The following GRID2 variants were observed in gnomAD, a reference collection of about 807,000 sequenced individuals.
GRID2 encodes the protein glutamate receptor ionotropic, delta-2.
Under a neutral mutation model 114.8 loss-of-function variants are expected in GRID2, and 33 were observed. The ratio of observed to expected loss-of-function variants is 0.29; its 90% CI spans 0.22 to 0.38. The LOEUF is 0.38. Among genes scored for constraint, GRID2 ranks in the 10% least tolerant of loss-of-function variants. The pLI is 1.00. For missense variants in GRID2, 1,184 were observed against 1,257.7 expected (o/e 0.94, Z 0.89); for synonymous variants, 505 against 449.9 (o/e 1.12, Z -1.55).
At chr4:92,537,204 A>T (rs1177607601) in intron 1 of GRID2, among the ~76,000 whole-genome samples, 1 of 152,170 alleles carries the variant, frequency 6.6e-6, no homozygotes, top group Non-Finnish European at 1.5e-5. Context: ...GTTGGAGATG[A>T]GGGATTCACT....
intron 8 of GRID2, among the ~76,000 whole-genome samples, chr4:93,307,022 C>G (rs1755496605): frequency 6.6e-6 from 1 of 151,938 alleles, no homozygotes; most frequent in Non-Finnish European, 1.5e-5. Flanking sequence ...ATGATGAAAG[C>G]CCGTCTCTAC....
intron 2 of GRID2, among the ~76,000 whole-genome samples, chr4:92,907,449 T>A (rs545354788): frequency 2.0e-5 from 3 of 152,136 alleles, no homozygotes; most frequent in Non-Finnish European, 4.4e-5. Flanking sequence ...TTCGCTCTTG[T>A]TTCCCAGGCT....
rs367983142 is a variant in GRID2 at position 92,734,777 on chromosome 4, T to G, written c.244+144491T>G. ...GTTATATTTCTTTTTTTTAGTTTTT[T>G]TTTTCTTTTTTTTTTTTCTGGAGAC... On this transcript the variant is annotated intron_variant, in intron 2 of 15. Coordinates refer to ENST00000282020, the MANE Select transcript of GRID2 (RefSeq NM_001510.4). 1.3e-4 allele frequency among the ~76,000 whole-genome samples: 20 copies of G among 151,558 alleles called. No individual in the cohort carries two copies. The East Asian group carries it at 2.3e-3, about 18-fold the overall frequency.
At chr4:92,668,996 A>G (rs1732921258) in intron 2 of GRID2, among the ~76,000 whole-genome samples, 1 of 151,872 alleles carries the variant, frequency 6.6e-6, no homozygotes, top group African/African-American at 2.4e-5. Context: ...TAAGAGATTA[A>G]AAATTTCTTT....
intron 1 of GRID2, among the ~76,000 whole-genome samples, chr4:92,489,833 G>A (rs1395407751): frequency 4.1e-5 from 6 of 147,930 alleles, no homozygotes; most frequent in African/African-American, 1.0e-4. Flanking sequence ...GCGATAGAGC[G>A]AGACTCCATT....
intron 4 of GRID2, among the ~76,000 whole-genome samples, chr4:93,134,385 A>C (rs1325304541): frequency 6.6e-6 from 1 of 152,166 alleles, no homozygotes. Flanking sequence ...GTGAATCTGA[A>C]CTGAGTAATG....
In GRID2 at chr4:92,965,450, T is replaced by TGAAAAA. The variant is rs1393372287; in HGVS notation, c.245-119545_245-119544insGAAAAA. On this transcript the variant is annotated intron_variant, in intron 2 of 15. Transcript: ENST00000282020. Reference sequence around the variant, plus strand: ...AGGGTTGCCATAAACATTCAATTTGTAAAAAAAAAAAAAAAAAAAAAAAAA... The same window carrying TGAAAAA: ...AGGGTTGCCATAAACATTCAATTTGTGAAAAAAAAAAAAAAAAAAAAAAAAAAAAAA... 7.0e-5 allele frequency among the ~76,000 whole-genome samples: 6 copies of TGAAAAA among 85,778 alleles called. No individual in the cohort carries two copies. The East Asian group carries it at 1.1e-3, about 16-fold the overall frequency. 56.3% of individuals were successfully genotyped at this position (85,778 alleles called of 152,430 possible). A position where few individuals can be genotyped will look rare whatever the true frequency, so the allele number is the denominator to read the frequency against.
intron 2 of GRID2, among the ~76,000 whole-genome samples, chr4:92,709,585 A>ATATATATATATAT (rs1392277814): frequency 3.2e-5 from 4 of 124,358 alleles, no homozygotes; most frequent in African/African-American, 9.4e-5. Flanking sequence ...AAAAAAAAAA[A>ATATATATATATAT]AAAAATATAT....
intron 1 of GRID2, among the ~76,000 whole-genome samples, chr4:92,332,330 G>T (rs1030702202): frequency 3.5e-4 from 54 of 152,136 alleles, no homozygotes; most frequent in African/African-American, 1.3e-3. Flanking sequence ...ACAGCCTCAA[G>T]CCCCCTCATA....
intron 1 of GRID2, among the ~76,000 whole-genome samples, chr4:92,477,337 T>C (rs763849689): frequency 1.2e-4 from 18 of 152,124 alleles, no homozygotes; most frequent in African/African-American, 4.3e-4. Context: ...GAATCTAAAA[T>C]AAGTCATTTA....
chr4:93,512,017 C>A (rs1459396076), intron 12 of GRID2, among the ~76,000 whole-genome samples: 1 of 151,882 alleles, frequency 6.6e-6, no homozygotes. Context: ...GAACTCCTGA[C>A]CTCAAGTGAT....
intron 1 of GRID2, among the ~76,000 whole-genome samples, chr4:92,334,569 A>C (rs1044250593): frequency 1.3e-5 from 2 of 152,148 alleles, no homozygotes; most frequent in African/African-American, 4.8e-5. Flanking sequence ...GGAAGAGAGC[A>C]AGAGGAGTCT....
chr4:92,904,816 A>G (rs1747833984), intron 2 of GRID2, among the ~76,000 whole-genome samples: 1 of 152,050 alleles, frequency 6.6e-6, no homozygotes, highest in Non-Finnish European at 1.5e-5. Context: ...AGATTAATGA[A>G]GAGGAGATTT....
At chr4:93,145,644 CTTTTTTTTTTT>C (rs10605313) in intron 4 of GRID2, among the ~76,000 whole-genome samples, 19 of 45,708 alleles carry the variant, frequency 4.2e-4, no homozygotes, top group South Asian at 9.0e-4. Context: ...TTCTTTTTTC[CTTTTTTTTTTT>C]TTTTTTTTTT....
chr4:93,588,909 G>A (rs951860646), intron 13 of GRID2, among the ~76,000 whole-genome samples: 2 of 151,958 alleles, frequency 1.3e-5, no homozygotes, highest in Non-Finnish European at 2.9e-5. Flanking sequence ...TTGCCATTTT[G>A]CCCCATCAAG....
At chr4:93,047,833 C>G (rs2149276669) in intron 2 of GRID2, among the ~76,000 whole-genome samples, 1 of 151,292 alleles carries the variant, frequency 6.6e-6, no homozygotes, top group African/African-American at 2.4e-5. Flanking sequence ...GATGAATACT[C>G]TAATTTCTCC....
At chr4:92,487,096 T>C (rs1722933795) in intron 1 of GRID2, among the ~76,000 whole-genome samples, 2 of 152,044 alleles carry the variant, frequency 1.3e-5, no homozygotes, top group Admixed American at 1.3e-4. Context: ...ACAGGTATAC[T>C]ATTTTTGCTG....
Position 92,889,642 on chromosome 4 carries a change from G to A in GRID2, c.245-195353G>A, listed in dbSNP as rs149230773. ...GGACGCAAACAAATGGAAATATATC[G>A]CATGCTCATGGATAAGAAGAATTAA... On this transcript the variant is annotated intron_variant, in intron 2 of 15. Coordinates refer to ENST00000282020, the MANE Select transcript of GRID2 (RefSeq NM_001510.4). Among the ~76,000 whole-genome samples, 12 of 152,100 alleles carry A rather than the reference G, an allele frequency of 7.9e-5. No homozygotes were observed. The East Asian group carries it at 1.4e-3, about 17-fold the overall frequency.
intron 14 of GRID2, among the ~76,000 whole-genome samples, chr4:93,682,048 A>T (rs890524041): frequency 6.6e-6 from 1 of 151,744 alleles, no homozygotes; most frequent in African/African-American, 2.4e-5. Flanking sequence ...AAGGGCTAAT[A>T]TCCAGAATCT....
Sources: gnomAD v4.1 joint callset for allele counts (sites outside exome capture counted in the v4.1 genomes callset) on GRCh38, gnomAD v4.1.1 for gene constraint, MANE v1.5 for transcripts, NCBI Gene and HGNC (gene_info 2026-07-23, HGNC 2026-07-21) for gene names.